The following AFF3 variants were observed in gnomAD, a reference collection of about 807,000 sequenced individuals.
AFF3 encodes ALF transcription elongation factor 3, also known as AF4/FMR2 family member 3.
In AFF3, 32 loss-of-function variants were observed where a neutral mutation model predicts 129.7. That is an observed-to-expected ratio of 0.25 (90% CI 0.19 to 0.33). The LOEUF (loss-of-function observed/expected upper bound fraction) is 0.33. Ranked by LOEUF, AFF3 falls within the 10% of genes least tolerant of loss-of-function variation. AFF3 has a pLI of 1.00. For missense variants in AFF3, 1,373 were observed against 1,592.0 expected, an observed-to-expected ratio of 0.86 and a Z score of 2.34; for synonymous variants, 644 against 635.4, an observed-to-expected ratio of 1.01 and a Z score of -0.20.
intron 13 of AFF3, among the ~76,000 whole-genome samples, chr2:99,604,026 A>G (rs1057441010): frequency 6.6e-6 from 1 of 152,192 alleles, no homozygotes; most frequent in African/African-American, 2.4e-5. Context: ...CACTGGTAGA[A>G]GTGTAAATTA....
At chr2:99,914,681 C>T (rs962357360) in intron 7 of AFF3, among the ~76,000 whole-genome samples, 1 of 151,706 alleles carries the variant, frequency 6.6e-6, no homozygotes, top group Non-Finnish European at 1.5e-5. Context: ...TTTGGGAGGC[C>T]GAGGCGGGGG....
intron 7 of AFF3, among the ~76,000 whole-genome samples, chr2:99,884,339 T>A (rs1044460300): frequency 4.6e-5 from 7 of 152,218 alleles, no homozygotes; most frequent in Admixed American, 3.9e-4. Context: ...TAAAATCTGC[T>A]TAGCAATTTT....
rs1353624857 is a variant in AFF3 at position 99,727,211 on chromosome 2, C to T, written c.1040-83G>A. 3 of 1,295,072 alleles carry T rather than the reference C, an allele frequency of 2.3e-6. No individual in the cohort carries two copies. In the South Asian group the frequency reaches 4.0e-5, roughly 17 times the overall value. 80.2% of individuals were successfully genotyped at this position (1,295,072 alleles called of 1,614,324 possible). ...AAGAGAGATTAAATATATTTCCATG[C>T]TCCTATTAACAATCTTTCAAAATGT... On this transcript the variant is annotated intron_variant, in intron 10 of 24. Transcript: ENST00000672756.
At chr2:99,965,995 A>G (rs1466464348) in intron 7 of AFF3, among the ~76,000 whole-genome samples, 1 of 152,206 alleles carries the variant, frequency 6.6e-6, no homozygotes, top group Non-Finnish European at 1.5e-5. Flanking sequence ...CTAGCAAAAA[A>G]TTTTGCATTT....
intron 13 of AFF3, among the ~76,000 whole-genome samples, chr2:99,646,410 T>C (rs1002455409): frequency 1.3e-5 from 2 of 152,188 alleles, no homozygotes; most frequent in African/African-American, 4.8e-5. Context: ...GAAGCACCTT[T>C]TGAGGTCTGA....
chr2:99,647,403 A>G (rs1342620003), intron 13 of AFF3, among the ~76,000 whole-genome samples: 1 of 152,230 alleles, frequency 6.6e-6, no homozygotes, highest in Non-Finnish European at 1.5e-5. Flanking sequence ...GCAGAAAAAC[A>G]AACACCACAT....
chr2:100,027,858 A>C (rs1196115696), intron 4 of AFF3, among the ~76,000 whole-genome samples: 1 of 152,210 alleles, frequency 6.6e-6, no homozygotes, highest in Non-Finnish European at 1.5e-5. Flanking sequence ...ACCATTTCTT[A>C]ATATTAATGT....
At chr2:100,119,882 C>T (rs935916991) in intron 2 of AFF3, among the ~76,000 whole-genome samples, 1 of 152,176 alleles carries the variant, frequency 6.6e-6, no homozygotes, top group Non-Finnish European at 1.5e-5. Flanking sequence ...GAAGGAATGT[C>T]TAACAGTGAA....
At chr2:99,618,031 T>G (rs1485871935) in intron 13 of AFF3, among the ~76,000 whole-genome samples, 2 of 152,038 alleles carry the variant, frequency 1.3e-5, no homozygotes, top group African/African-American at 4.8e-5. Context: ...TTTTGCCCCG[T>G]GAGGCAGGAT....
intron 2 of AFF3, among the ~76,000 whole-genome samples, chr2:100,115,103 G>C (rs552123931): frequency 1.4e-4 from 21 of 152,280 alleles, no homozygotes; most frequent in African/African-American, 4.6e-4. Flanking sequence ...GGATTTCCTG[G>C]TGATCTTCCT....
intron 4 of AFF3, among the ~76,000 whole-genome samples, chr2:100,050,588 T>C (rs1686230643): frequency 6.6e-6 from 1 of 152,150 alleles, no homozygotes; most frequent in Non-Finnish European, 1.5e-5. Context: ...CTGCAGAGTG[T>C]GTTTCAATTT....
intron 13 of AFF3, among the ~76,000 whole-genome samples, chr2:99,635,812 C>A (rs1201683786): frequency 6.6e-6 from 1 of 152,164 alleles, no homozygotes; most frequent in Non-Finnish European, 1.5e-5. Flanking sequence ...TGACATTTGT[C>A]CCCTGGGCTG....
intron 4 of AFF3, among the ~76,000 whole-genome samples, chr2:100,101,974 ATC>A (rs1191900743): frequency 6.8e-6 from 1 of 146,712 alleles, no homozygotes; most frequent in Non-Finnish European, 1.5e-5. Flanking sequence ...GTCTGCTGTC[ATC>A]TGTTTTATGA....
rs546595420 is a variant in AFF3, at chr2:99,919,370, C to G, written c.874-81846G>C. 1.4e-4 allele frequency among the ~76,000 whole-genome samples: 22 copies of G among 152,168 alleles called. No individual in the cohort carries two copies. In the South Asian group the frequency reaches 4.2e-3, roughly 29 times the overall value. ...TTTATGCCCTCTTGTCTATATATTT[C>G]TGGAGGTGTTAGTTTGCCAGTTCTA... is the stretch of plus-strand genomic sequence containing the variant. On this transcript the variant is annotated intron_variant, in intron 7 of 24. Coordinates refer to ENST00000672756, the MANE Select transcript of AFF3 (RefSeq NM_001386135.1).
At chr2:100,098,675 G>A (rs1459252446) in intron 4 of AFF3, among the ~76,000 whole-genome samples, 9 of 126,328 alleles carry the variant, frequency 7.1e-5, no homozygotes, top group South Asian at 5.8e-4. Flanking sequence ...CATCTTCATC[G>A]TCATCCAGAT....
intron 4 of AFF3, among the ~76,000 whole-genome samples, chr2:100,042,700 GT>G (rs1211201201): frequency 6.6e-6 from 1 of 152,184 alleles, no homozygotes; most frequent in Non-Finnish European, 1.5e-5. Context: ...GTCAAGACAT[GT>G]CATATGGAAA....
At chr2:100,058,299 C>CT (rs1340791633) in intron 4 of AFF3, among the ~76,000 whole-genome samples, 3 of 152,146 alleles carry the variant, frequency 2.0e-5, no homozygotes, top group Admixed American at 2.0e-4. Flanking sequence ...CTTCTGCACT[C>CT]TAAGTTCAAG....
intron 2 of AFF3, among the ~76,000 whole-genome samples, chr2:100,127,004 A>G (rs1249023383): frequency 6.6e-6 from 1 of 152,124 alleles, no homozygotes; most frequent in Non-Finnish European, 1.5e-5. Flanking sequence ...CTGCTCTGTG[A>G]GGTTACAGAA....
intron 7 of AFF3, among the ~76,000 whole-genome samples, chr2:99,859,935 C>CA (rs969635098): frequency 6.6e-6 from 1 of 151,534 alleles, no homozygotes; most frequent in African/African-American, 2.4e-5. Context: ...TCGCCCCCCG[C>CA]AAAAAAGGAT....
Sources: allele counts gnomAD v4.1 joint callset (sites outside exome capture counted in the v4.1 genomes callset), GRCh38; gene constraint gnomAD v4.1.1; transcripts MANE v1.5; gene names NCBI Gene and HGNC (gene_info 2026-07-23, HGNC 2026-07-21).